TMEFF2: variants seen among roughly 807,000 people sequenced by gnomAD.
TMEFF2 encodes the protein tomoregulin-2.
TMEFF2 carries 28 observed loss-of-function variants against 53.8 expected under a neutral mutation model. The ratio of observed to expected loss-of-function variants is 0.52; its 90% CI spans 0.39 to 0.71. TMEFF2 has a LOEUF of 0.71. Among genes scored for constraint, TMEFF2 ranks in the 30% least tolerant of loss-of-function variants. TMEFF2 has a pLI of 0.00. For synonymous variants in TMEFF2, 162 were observed against 166.3 expected (o/e 0.97, Z 0.20); for missense variants, 353 against 455.2 (o/e 0.78, Z 2.04).
intron 7 of TMEFF2, among the ~76,000 whole-genome samples, chr2:191,967,380 A>G (rs1170303706): frequency 2.6e-5 from 4 of 152,164 alleles, no homozygotes; most frequent in Admixed American, 2.0e-4. Flanking sequence ...CAATTCTACT[A>G]TGATCTCTTA....
chr2:192,173,173 T>G (rs1406264878), intron 4 of TMEFF2, among the ~76,000 whole-genome samples: 1 of 151,802 alleles, frequency 6.6e-6, no homozygotes. Context: ...AAATAATAAA[T>G]GCATAAGGTG....
At chr2:192,011,981 A>G (rs1686638515) in intron 5 of TMEFF2, among the ~76,000 whole-genome samples, 1 of 152,078 alleles carries the variant, frequency 6.6e-6, no homozygotes, top group South Asian at 2.1e-4. Flanking sequence ...CTGCCTCCCA[A>G]GTTCTCGCCA....
At chr2:192,065,275 C>A (rs115323737) in intron 4 of TMEFF2, among the ~76,000 whole-genome samples, 1 of 151,760 alleles carries the variant, frequency 6.6e-6, no homozygotes, top group African/African-American at 2.4e-5. Context: ...TACTTCTCTC[C>A]TACTGACATG....
chr2:192,186,419 C>T (rs1283317411), intron 2 of TMEFF2, among the ~76,000 whole-genome samples: 1 of 152,104 alleles, frequency 6.6e-6, no homozygotes, highest in Non-Finnish European at 1.5e-5. Flanking sequence ...AGAACTGTGG[C>T]CAGCAAGGCA....
chr2:192,079,312 CCT>C (rs1211202442), intron 4 of TMEFF2, among the ~76,000 whole-genome samples: 1 of 152,196 alleles, frequency 6.6e-6, no homozygotes, highest in African/African-American at 2.4e-5. Flanking sequence ...TGCCTCCTTT[CCT>C]CTTTCTTTTC....
chr2:192,044,964 AT>A (rs1687579606), intron 5 of TMEFF2, among the ~76,000 whole-genome samples: 1 of 152,126 alleles, frequency 6.6e-6, no homozygotes, highest in African/African-American at 2.4e-5. Flanking sequence ...TTTGTATGAG[AT>A]TAGGTCAAAT....
chr2:192,029,639 A>T (rs997974164), intron 5 of TMEFF2, among the ~76,000 whole-genome samples: 1 of 152,174 alleles, frequency 6.6e-6, no homozygotes, highest in African/African-American at 2.4e-5. Context: ...ACAGAACCCC[A>T]TCATAATCTT....
At chr2:192,135,176 G>A (rs374686356) in intron 4 of TMEFF2, among the ~76,000 whole-genome samples, 2 of 152,010 alleles carry the variant, frequency 1.3e-5, no homozygotes, top group African/African-American at 4.8e-5. Context: ...ATTCATATAT[G>A]CCCTGCTCTT....
intron 4 of TMEFF2, among the ~76,000 whole-genome samples, chr2:192,106,368 T>A (rs1391544740): frequency 6.6e-6 from 1 of 151,796 alleles, no homozygotes; most frequent in East Asian, 1.9e-4. Context: ...TTGTTGATAT[T>A]GGAAATAAAA....
In TMEFF2 at chr2:192,194,333, G is replaced by A. The variant is rs752575967; in HGVS notation, c.172+20C>T. 2.5e-6 allele frequency: 4 copies of A among 1,612,724 alleles called. No individual in the cohort carries two copies. The highest frequency in any genetic ancestry group is 3.4e-6 in the Non-Finnish European group (4 of 1,179,104). On this transcript the variant is annotated intron_variant, in intron 1 of 9. Coordinates refer to ENST00000272771, the MANE Select transcript of TMEFF2 (RefSeq NM_016192.4). The surrounding 1 kb of genome is among the most constrained non-coding windows in gnomAD (Gnocchi z 4.2). ...TCTTCTGCGGAGTTAAAGGGTCGGG[G>A]ACGGGGGTTCTGGACTTACCAGAGC...
chr2:192,004,955 G>A (rs773183246), intron 5 of TMEFF2, among the ~76,000 whole-genome samples: 3 of 152,002 alleles, frequency 2.0e-5, no homozygotes, highest in African/African-American at 4.8e-5. Flanking sequence ...TTTCTTCTTC[G>A]TTTTTTCAAC....
intron 4 of TMEFF2, among the ~76,000 whole-genome samples, chr2:192,108,225 G>T (rs1689195840): frequency 6.6e-6 from 1 of 151,580 alleles, no homozygotes; most frequent in Non-Finnish European, 1.5e-5. Context: ...TGCTTATTTG[G>T]ACCTTGGACA....
chr2:191,979,168 T>C (rs1033341702), intron 7 of TMEFF2, among the ~76,000 whole-genome samples: 1 of 152,150 alleles, frequency 6.6e-6, no homozygotes, highest in African/African-American at 2.4e-5. Context: ...GAGGTAAAAA[T>C]TAAATCTTTT....
intron 4 of TMEFF2, among the ~76,000 whole-genome samples, chr2:192,060,056 T>TA (rs5837282): frequency 7.3e-5 from 11 of 151,136 alleles, no homozygotes; most frequent in Admixed American, 7.3e-4. Context: ...TTTTTTTTTT[T>TA]AATAAAAATG....
intron 4 of TMEFF2, among the ~76,000 whole-genome samples, chr2:192,126,805 C>T (rs13000806): frequency 0.15 from 22,344 of 152,090 alleles, 2,386 homozygotes; most frequent in African/African-American, 0.28. Flanking sequence ...TCCTTCTTCA[C>T]TACGTGGAGT....
chr2:192,167,331 G>C (rs4541201), intron 4 of TMEFF2, among the ~76,000 whole-genome samples: 147,268 of 152,248 alleles, frequency 0.97, 71,280 homozygotes, highest in East Asian at 1. Context: ...ATTTTCTTCT[G>C]AAAACATGTG....
chr2:192,155,288 G>A (rs1476343827), intron 4 of TMEFF2, among the ~76,000 whole-genome samples: 3 of 151,962 alleles, frequency 2.0e-5, no homozygotes, highest in African/African-American at 4.8e-5. Context: ...TAACTAAAGT[G>A]GCTATCCTTG....
At chr2:191,977,685 A>G (rs1467525910) in intron 7 of TMEFF2, among the ~76,000 whole-genome samples, 6 of 152,242 alleles carry the variant, frequency 3.9e-5, no homozygotes, top group South Asian at 2.1e-4. Flanking sequence ...TAAAGGCAAT[A>G]TTAAAATTGT....
intron 4 of TMEFF2, among the ~76,000 whole-genome samples, chr2:192,111,433 G>C (rs1300766852): frequency 2.6e-5 from 4 of 152,056 alleles, no homozygotes; most frequent in African/African-American, 9.7e-5. Flanking sequence ...GAGATTTGTG[G>C]GACTTTGAAC....
Sources: gnomAD v4.1 joint callset for allele counts (sites outside exome capture counted in the v4.1 genomes callset) on GRCh38, gnomAD v4.1.1 for gene constraint, Gnocchi (gnomAD v3.1) non-coding constraint, MANE v1.5 for transcripts, NCBI Gene and HGNC (gene_info 2026-07-23, HGNC 2026-07-21) for gene names.